Variants in HROB observed in about 807,000 individuals in gnomAD.
HROB encodes homologous recombination OB-fold protein.
Under a neutral mutation model 61.0 loss-of-function variants are expected in HROB, and 44 were observed. The observed-to-expected ratio is 0.72, with a 90% CI of 0.57 to 0.93. The LOEUF (loss-of-function observed/expected upper bound fraction) is 0.93. Among genes scored for constraint, HROB ranks in the 40% least tolerant of loss-of-function variants. The pLI is 0.00. For missense variants in HROB, 716 were observed against 796.2 expected, an observed-to-expected ratio of 0.90 and a Z score of 1.21; for synonymous variants, 301 against 310.4, an observed-to-expected ratio of 0.97 and a Z score of 0.32.
intron 1 of HROB, among the ~76,000 whole-genome samples, chr17:44,142,883 G>A (rs2053496416): frequency 6.6e-6 from 1 of 152,052 alleles, no homozygotes; most frequent in African/African-American, 2.4e-5. Context: ...CGAAACCTTT[G>A]GGATATTGCA....
chr17:44,147,924 C>T lies in HROB; in HGVS notation c.121C>T (p.Arg41Cys), dbSNP rs149678700. 37 of 1,613,974 alleles carry T rather than the reference C, an allele frequency of 2.3e-5. No homozygotes were observed. Among genetic ancestry groups the T allele is most frequent in the African/African-American group, 1.2e-4 (9 of 74,892 alleles). The change falls in exon 3 of 10, where the codon CGC becomes TGC. Residue 41 changes from arginine (R) to cysteine (C), a missense_variant. Physicochemically the swap from Arg to Cys is radical, Grantham distance 180. Coordinates refer to ENST00000585683, the MANE Select transcript of HROB (RefSeq NM_001171251.3). ...FTGSLPVNAG[R>C]LRPVSSRPQE... ...TGGCTCACTGCCTGTGAATGCTGGG[C>T]GCCTGAGACCTGTCTCTTCTAGGCC...
intron 5 of HROB, 26 bp downstream of exon 5, chr17:44,152,803 A>G (rs2053855058): frequency 6.2e-7 from 1 of 1,606,566 alleles, no homozygotes; most frequent in African/African-American, 1.3e-5. Flanking sequence ...GCTGAGACCC[A>G]AAGGAAAGAC....
chr17:44,141,995 T>C lies in HROB; in HGVS notation c.-148T>C, dbSNP rs954191121. The C allele has an allele frequency of 1.2e-5, 14 of 1,136,530 alleles. No homozygotes were observed. Among genetic ancestry groups the C allele is most frequent in the Non-Finnish European group, 1.7e-5 (14 of 827,096 alleles). 70.4% of individuals were successfully genotyped at this position (1,136,530 alleles called of 1,614,324 possible). A position where few individuals can be genotyped will look rare whatever the true frequency, so the allele number is the denominator to read the frequency against. On this transcript the variant is annotated 5_prime_UTR_variant, in exon 1 of 10. Transcript: ENST00000585683. ...CAGTCTCCTGGCGACTTTCCCTATA[T>C]CGCAGAGACTCATCCCTCTGACCCC... is the stretch of plus-strand genomic sequence containing the variant.
chr17:44,145,775 C>T (rs536255409), intron 2 of HROB, among the ~76,000 whole-genome samples: 2 of 152,318 alleles, frequency 1.3e-5, no homozygotes, highest in South Asian at 4.1e-4. Flanking sequence ...ATCCAAAGCT[C>T]GCACGTTAGA....
intron 5 of HROB, chr17:44,154,330 C>G (rs227583): frequency 0.41 from 198,897 of 489,918 alleles, 49,592 homozygotes; most frequent in African/African-American, 0.85. Flanking sequence ...GCGAAACTCC[C>G]TCTCAAAAAA....
chr17:44,162,069 T>C lies in HROB; in HGVS notation c.*137T>C. The C allele has an allele frequency of 7.3e-6, 7 of 963,542 alleles. No homozygotes were observed. The highest frequency in any genetic ancestry group is 1.5e-6 in the Non-Finnish European group (1 of 648,952). The allele number at this position is 963,542 out of a possible 1,614,324, so 59.7% of individuals were successfully genotyped here. A position where few individuals can be genotyped will look rare whatever the true frequency, so the allele number is the denominator to read the frequency against. ...GGGGCTTCTGTGGTTGCTCCCACCC[T>C]GGGTGTTTTCCCTGAGAGCCCCCTC... On this transcript the variant is annotated 3_prime_UTR_variant, in exon 10 of 10. Coordinates refer to ENST00000585683, the MANE Select transcript of HROB (RefSeq NM_001171251.3).
intron 3 of HROB, among the ~76,000 whole-genome samples, chr17:44,149,251 C>T (rs1266673797): frequency 2.5e-5 from 3 of 121,210 alleles, no homozygotes; most frequent in African/African-American, 4.4e-5. Flanking sequence ...CTTTTTTCTT[C>T]TCCTTTTTTT....
intron 2 of HROB, chr17:44,147,656 G>A (rs1437239102): frequency 7.5e-6 from 4 of 531,186 alleles, no homozygotes; most frequent in Middle Eastern, 5.1e-4. Context: ...GGCTGGTCTC[G>A]AACTCCTGAC....
At chr17:44,158,638 A>G (rs543285395) in intron 9 of HROB, among the ~76,000 whole-genome samples, 1 of 140,250 alleles carries the variant, frequency 7.1e-6, no homozygotes, top group Non-Finnish European at 1.5e-5. Context: ...ATGTGCCACT[A>G]TGCCCAGCAA....
At chr17:44,154,533 C>T (rs1473016849) in intron 5 of HROB, 23 bp from the exon 6 acceptor site, 8 of 1,612,754 alleles carry the variant, frequency 5.0e-6, no homozygotes, top group Non-Finnish European at 6.8e-6. Context: ...GAAGGCTCAG[C>T]ATATGCCTCT....
intron 3 of HROB, among the ~76,000 whole-genome samples, chr17:44,149,710 T>C (rs749885989): frequency 6.6e-6 from 1 of 152,266 alleles, no homozygotes; most frequent in African/African-American, 2.4e-5. Flanking sequence ...AAGTCATTCT[T>C]GTGCATTTGT....
chr17:44,151,836 GTTATT>G (rs879731423), intron 4 of HROB, among the ~76,000 whole-genome samples: 47 of 148,074 alleles, frequency 3.2e-4, no homozygotes, highest in African/African-American at 1.2e-3. Context: ...GTTATTTTAT[GTTATT>G]TTATTTTATT....
rs370671551 is a variant in HROB at position 44,151,041 on chromosome 17, A to G, written c.1305A>G (p.Thr435=). ...ATGGTGCTCTGGCTAAATTCCAGAC[A>G]GAGGTAACTTATGCAAATGTTAACT... is the stretch of plus-strand genomic sequence containing the variant. ...PTHGALAKFQ[T]EIVASSQASV... is the part of the protein sequence containing the mutation. The change falls in exon 4 of 10, where the codon ACA becomes ACG. Residue 435 remains threonine (T), a synonymous_variant. Transcript: ENST00000585683. 10 of 1,610,886 alleles carry G rather than the reference A, an allele frequency of 6.2e-6. No individual in the cohort carries two copies. The East Asian group carries it at 1.3e-4, about 22-fold the overall frequency.
chr17:44,157,748 C>T (rs1047314745), intron 8 of HROB, 85 bp from the exon 9 acceptor site: 3 of 977,556 alleles, frequency 3.1e-6, no homozygotes, highest in South Asian at 3.1e-5. Context: ...CCACACTGTT[C>T]GTTTGAGGTT....
intron 9 of HROB, among the ~76,000 whole-genome samples, chr17:44,158,893 C>T (rs2054050493): frequency 6.6e-6 from 1 of 152,106 alleles, no homozygotes; most frequent in African/African-American, 2.4e-5. Context: ...GCGATCTGCC[C>T]GCCTCAGCCT....
chr17:44,142,167 G>A, intron 1 of HROB, 22 bp downstream of exon 1: 3 of 1,511,360 alleles, frequency 2.0e-6, no homozygotes, highest in Admixed American at 4.2e-5. Flanking sequence ...CCCAGCTTGG[G>A]GGCTGGCGGG....
chr17:44,152,116 G>C (rs894035242), intron 4 of HROB, among the ~76,000 whole-genome samples: 1 of 151,670 alleles, frequency 6.6e-6, no homozygotes, highest in Non-Finnish European at 1.5e-5. Context: ...AAGTGCTGGG[G>C]TAACAGGTGT....
intron 9 of HROB, among the ~76,000 whole-genome samples, chr17:44,158,348 G>A (rs1270901681): frequency 6.6e-6 from 1 of 152,132 alleles, no homozygotes; most frequent in Non-Finnish European, 1.5e-5. Flanking sequence ...GACGTCCACT[G>A]GTTTTTGGGA....
chr17:44,142,919 C>G (rs979340857), intron 1 of HROB, among the ~76,000 whole-genome samples: 1 of 152,000 alleles, frequency 6.6e-6, no homozygotes, highest in Non-Finnish European at 1.5e-5. Context: ...AGCCAGGGGC[C>G]GTGGCTGACA....
Sources: allele counts gnomAD v4.1 joint callset (sites outside exome capture counted in the v4.1 genomes callset), GRCh38; gene constraint gnomAD v4.1.1; transcripts MANE v1.5; gene names NCBI Gene and HGNC (gene_info 2026-07-23, HGNC 2026-07-21).